PTPRT: variants seen among roughly 807,000 people sequenced by gnomAD.
The protein encoded by PTPRT is protein tyrosine phosphatase receptor type T.
In PTPRT, 56 loss-of-function variants were observed where a neutral mutation model predicts 176.8. That is an observed-to-expected ratio of 0.32 (90% CI 0.26 to 0.40). PTPRT has a LOEUF of 0.40. Among genes scored for constraint, PTPRT ranks in the 10% least tolerant of loss-of-function variants. The probability of loss-of-function intolerance (pLI) is 1.00; values close to 1 mark genes in which losing one functional copy is unlikely to be tolerated. For missense variants in PTPRT, 1,540 were observed against 1,908.2 expected, an observed-to-expected ratio of 0.81 and a Z score of 3.60; for synonymous variants, 783 against 739.0, an observed-to-expected ratio of 1.06 and a Z score of -0.96.
intron 29 of PTPRT, among the ~76,000 whole-genome samples, chr20:42,084,063 T>C (rs999024408): frequency 6.6e-6 from 1 of 152,266 alleles, no homozygotes; most frequent in Non-Finnish European, 1.5e-5. Flanking sequence ...GTCTGAAGAT[T>C]GTCTAATTCC....
intron 3 of PTPRT, among the ~76,000 whole-genome samples, chr20:42,784,139 A>G (rs780707830): frequency 3.2e-4 from 49 of 152,328 alleles, no homozygotes; most frequent in Non-Finnish European, 5.1e-4. Context: ...CTCCCTGTGC[A>G]TGACTACTTG....
chr20:42,104,411 C>T (rs1472437565), intron 25 of PTPRT, among the ~76,000 whole-genome samples, 158 bp downstream of exon 25: 1 of 152,170 alleles, frequency 6.6e-6, no homozygotes, highest in Admixed American at 6.5e-5. Context: ...GTGAGCCCTC[C>T]CCAGACACTG....
At chr20:42,700,688 G>A (rs2075961924) in intron 6 of PTPRT, among the ~76,000 whole-genome samples, 1 of 152,146 alleles carries the variant, frequency 6.6e-6, no homozygotes, top group Non-Finnish European at 1.5e-5. Flanking sequence ...AGAAACCAGG[G>A]CCTGGTCCAG....
chr20:43,183,918 T>C (rs1367156437), intron 1 of PTPRT, among the ~76,000 whole-genome samples: 2 of 152,248 alleles, frequency 1.3e-5, no homozygotes, highest in Non-Finnish European at 2.9e-5. Flanking sequence ...GACATCTGGA[T>C]TGTTTTCAGG....
At chr20:42,921,872 G>T (rs975905563) in intron 1 of PTPRT, among the ~76,000 whole-genome samples, 11 of 152,054 alleles carry the variant, frequency 7.2e-5, no homozygotes, top group African/African-American at 1.9e-4. Context: ...TCATCAACAG[G>T]GTTAACAGCA....
intron 7 of PTPRT, among the ~76,000 whole-genome samples, chr20:42,577,954 T>C (rs1182046885): frequency 6.7e-6 from 1 of 149,320 alleles, no homozygotes; most frequent in Non-Finnish European, 1.5e-5. Context: ...TGTGTGTGTG[T>C]GTGTGTGTGT....
chr20:42,388,354 G>A (rs2058765131), intron 9 of PTPRT, among the ~76,000 whole-genome samples: 1 of 152,064 alleles, frequency 6.6e-6, no homozygotes, highest in African/African-American at 2.4e-5. Flanking sequence ...CAGAATGGGA[G>A]AAAATTTTTG....
rs543249001 is a variant in PTPRT at position 42,956,719 on chromosome 20, C to G, written c.89-70787G>C. 3.9e-5 allele frequency among the ~76,000 whole-genome samples: 6 copies of G among 152,288 alleles called. No individual in the cohort carries two copies. The East Asian group carries it at 9.6e-4, about 24-fold the overall frequency. ...AGGGCAGAGGAGACTGTGACAAAGT[C>G]TCACCTTCTCCCCTAGGGGAAATGA... On this transcript the variant is annotated intron_variant, in intron 1 of 30. Transcript: ENST00000373187.
intron 2 of PTPRT, among the ~76,000 whole-genome samples, chr20:42,828,889 G>A (rs769665291): frequency 1.3e-5 from 2 of 152,162 alleles, no homozygotes; most frequent in Non-Finnish European, 2.9e-5. Context: ...AGTGCAGAAG[G>A]GAAATGTGGG....
At chr20:42,290,312 AT>A (rs1384237942) in intron 12 of PTPRT, among the ~76,000 whole-genome samples, 1 of 152,048 alleles carries the variant, frequency 6.6e-6, no homozygotes, top group Non-Finnish European at 1.5e-5. Context: ...CCCACTCCAG[AT>A]TAAAATCTGC....
At chr20:42,928,632 G>C (rs1415988258) in intron 1 of PTPRT, among the ~76,000 whole-genome samples, 1 of 152,066 alleles carries the variant, frequency 6.6e-6, no homozygotes, top group African/African-American at 2.4e-5. Flanking sequence ...ATCCAAGAAG[G>C]GGTCAAAAAG....
intron 3 of PTPRT, among the ~76,000 whole-genome samples, chr20:42,784,592 A>T (rs1174583327): frequency 6.6e-6 from 1 of 152,096 alleles, no homozygotes; most frequent in Non-Finnish European, 1.5e-5. Context: ...TCATTGTGAT[A>T]AACTCCACTT....
intron 1 of PTPRT, among the ~76,000 whole-genome samples, chr20:42,987,355 A>G (rs1332835733): frequency 6.6e-6 from 1 of 152,196 alleles, no homozygotes; most frequent in African/African-American, 2.4e-5. Context: ...CCACATTTCA[A>G]GTGCACAATA....
chr20:42,309,678 G>A (rs1184552262), intron 12 of PTPRT, among the ~76,000 whole-genome samples: 2 of 152,098 alleles, frequency 1.3e-5, no homozygotes, highest in Non-Finnish European at 2.9e-5. Flanking sequence ...TATAAGTGAG[G>A]AAACAGATTC....
chr20:42,400,270 T>C (rs948540375), intron 9 of PTPRT, among the ~76,000 whole-genome samples: 2 of 152,040 alleles, frequency 1.3e-5, no homozygotes, highest in African/African-American at 4.8e-5. Context: ...TCCATATGAC[T>C]TTTTTTTCAT....
chr20:42,320,137 C>A (rs2057779456), intron 11 of PTPRT, among the ~76,000 whole-genome samples: 1 of 152,168 alleles, frequency 6.6e-6, no homozygotes, highest in Non-Finnish European at 1.5e-5. Flanking sequence ...GTGCCCCCAA[C>A]TAATTTCATT....
intron 11 of PTPRT, among the ~76,000 whole-genome samples, chr20:42,342,062 T>C (rs1306300282): frequency 1.3e-5 from 2 of 152,312 alleles, no homozygotes; most frequent in Middle Eastern, 6.8e-3. Context: ...ACCTACATTA[T>C]TTGGGTGTCA....
intron 16 of PTPRT, among the ~76,000 whole-genome samples, chr20:42,191,539 C>T (rs1228263098): frequency 6.6e-6 from 1 of 152,150 alleles, no homozygotes; most frequent in Non-Finnish European, 1.5e-5. Context: ...AGATTTTGAG[C>T]AGACTGAAAA....
intron 16 of PTPRT, among the ~76,000 whole-genome samples, chr20:42,165,618 A>G (rs1158061709): frequency 1.3e-5 from 2 of 152,350 alleles, no homozygotes; most frequent in South Asian, 2.1e-4. Context: ...ATGCTCTGCA[A>G]TTTGGTGGCC....
Sources: gnomAD v4.1 joint callset for allele counts (sites outside exome capture counted in the v4.1 genomes callset) on GRCh38, gnomAD v4.1.1 for gene constraint, MANE v1.5 for transcripts, NCBI Gene and HGNC (gene_info 2026-07-23, HGNC 2026-07-21) for gene names.